Variants in WDR7 observed in about 807,000 individuals in gnomAD.
The protein encoded by WDR7 is WD repeat-containing protein 7.
In WDR7, 46 loss-of-function variants were observed where a neutral mutation model predicts 169.4. The observed-to-expected ratio is 0.27, with a 90% confidence interval of 0.21 to 0.35. The LOEUF (loss-of-function observed/expected upper bound fraction) is 0.35. Among genes scored for constraint, WDR7 ranks in the 10% least tolerant of loss-of-function variants. WDR7 has a pLI of 1.00. For missense variants in WDR7, 1,534 were observed against 1,859.3 expected (o/e 0.83, Z 3.22); for synonymous variants, 612 against 666.8 (o/e 0.92, Z 1.27).
chr18:56,971,304 A>G (rs983675164), intron 26 of WDR7, among the ~76,000 whole-genome samples: 35 of 149,372 alleles, frequency 2.3e-4, no homozygotes, highest in Non-Finnish European at 4.3e-4. Flanking sequence ...AAAAAGGAAC[A>G]CCCCCACTAT....
rs756847664 is a variant in WDR7 at position 56,816,115 on chromosome 18, A to G, written c.3275A>G (p.His1092Arg). ...GAAGCAAAAGTCCAGGAGGAAGAGC[A>G]TGACCTTGTTGACGATGACATCACC... ...GPEAKVQEEE[H>R]DLVDDDITTG... Residue 1092 changes from histidine to arginine, a missense_variant, in exon 20 of 28, where the codon CAT (histidine) becomes CGT (arginine). Transcript: ENST00000254442. 4 of 1,613,906 alleles carry G rather than the reference A, an allele frequency of 2.5e-6. No individual in the cohort carries two copies. Among genetic ancestry groups the G allele is most frequent in the South Asian group, 1.1e-5 (1 of 91,024 alleles).
At chr18:56,929,977 G>A (rs957614268) in intron 22 of WDR7, among the ~76,000 whole-genome samples, 1 of 152,126 alleles carries the variant, frequency 6.6e-6, no homozygotes, top group African/African-American at 2.4e-5. Context: ...TCTAAGTTGT[G>A]GTCTGTGATT....
chr18:56,750,283 C>G (rs2043770616), intron 14 of WDR7, among the ~76,000 whole-genome samples: 1 of 152,124 alleles, frequency 6.6e-6, no homozygotes, highest in Non-Finnish European at 1.5e-5. Flanking sequence ...TTTAAAGTTA[C>G]AACTGACTTG....
At chr18:56,810,401 G>T (rs1395833214) in intron 19 of WDR7, among the ~76,000 whole-genome samples, 2 of 152,030 alleles carry the variant, frequency 1.3e-5, no homozygotes, top group African/African-American at 4.8e-5. Flanking sequence ...TATTATGGGA[G>T]TTAAGAATAT....
At chr18:56,867,317 A>G (rs746167205) in intron 20 of WDR7, among the ~76,000 whole-genome samples, 10 of 152,182 alleles carry the variant, frequency 6.6e-5, no homozygotes, top group African/African-American at 2.4e-4. Context: ...GATTACAGGC[A>G]TGAGTCAGCA....
intron 20 of WDR7, among the ~76,000 whole-genome samples, chr18:56,832,353 A>G (rs975178569): frequency 6.6e-6 from 1 of 152,210 alleles, no homozygotes. Context: ...GAGACTTTAG[A>G]TAAAACTCCC....
At chr18:56,803,737 C>T (rs1448444282) in intron 19 of WDR7, among the ~76,000 whole-genome samples, 1 of 152,150 alleles carries the variant, frequency 6.6e-6, no homozygotes, top group East Asian at 1.9e-4. Flanking sequence ...ACTTATTGAG[C>T]ACTTACCACA....
intron 19 of WDR7, among the ~76,000 whole-genome samples, chr18:56,786,724 A>G (rs2044406644): frequency 6.6e-6 from 1 of 152,020 alleles, no homozygotes; most frequent in Non-Finnish European, 1.5e-5. Flanking sequence ...GTGCATTGTG[A>G]TTCCTATACT....
At chr18:56,710,057 G>A (rs1383831347) in intron 12 of WDR7, among the ~76,000 whole-genome samples, 5 of 145,084 alleles carry the variant, frequency 3.4e-5, no homozygotes, top group African/African-American at 1.3e-4. Flanking sequence ...AGGCTGGAGT[G>A]CAGTGGCGCA....
At chr18:57,016,203 G>A (rs1037005241) in intron 26 of WDR7, among the ~76,000 whole-genome samples, 3 of 152,046 alleles carry the variant, frequency 2.0e-5, no homozygotes, top group South Asian at 2.1e-4. Context: ...CAGCCACACC[G>A]GCCGCTTCCC....
chr18:56,764,303 A>T (rs2044027661), intron 16 of WDR7, among the ~76,000 whole-genome samples: 1 of 151,908 alleles, frequency 6.6e-6, no homozygotes. Context: ...ATTTCCAAAC[A>T]CTTGTGGATT....
At chr18:56,681,264 G>C in intron 3 of WDR7, 49 bp from the exon 4 acceptor site, 1 of 1,221,694 alleles carries the variant, frequency 8.2e-7, no homozygotes, top group Non-Finnish European at 1.2e-6. Context: ...AAAGTTGAAT[G>C]GTGCTTTAAA....
In WDR7 at chr18:56,756,922, G is replaced by A; in HGVS notation, c.2329G>A (p.Asp777Asn). 1 of 1,614,104 alleles carries A rather than the reference G, an allele frequency of 6.2e-7. No homozygotes were observed. Among genetic ancestry groups the A allele is most frequent in the Non-Finnish European group, 8.5e-7 (1 of 1,179,998 alleles). ...AATGAGGCAGAGAAGGGAAGAAAGT[G>A]ATCCTGAATATCGGTCCAGCAAATC... ...EIMRQRREES[D>N]PEYRSSKSKP... Residue 777 changes from aspartate (D) to asparagine (N), a missense_variant, in exon 15 of 28, where the codon GAT becomes AAT. By Grantham distance (23) the Asp-to-Asn change is conservative. Coordinates refer to ENST00000254442, the MANE Select transcript of WDR7 (RefSeq NM_015285.3).
intron 14 of WDR7, among the ~76,000 whole-genome samples, chr18:56,739,117 C>T (rs1036276622): frequency 6.6e-6 from 1 of 151,642 alleles, no homozygotes; most frequent in Non-Finnish European, 1.5e-5. Context: ...CTGTTTTTCT[C>T]TGAAAACTGA....
At chr18:56,653,147 G>A (rs1305291752) in intron 1 of WDR7, among the ~76,000 whole-genome samples, 1 of 151,858 alleles carries the variant, frequency 6.6e-6, no homozygotes, top group East Asian at 1.9e-4. Flanking sequence ...GCAGAGGATG[G>A]AGTTAATCTT....
chr18:56,851,893 G>A (rs1409943414), intron 20 of WDR7, among the ~76,000 whole-genome samples: 1 of 152,148 alleles, frequency 6.6e-6, no homozygotes, highest in Non-Finnish European at 1.5e-5. Flanking sequence ...TATAAAGTAT[G>A]GCTTTCCTCT....
chr18:56,976,658 G>A (rs539624533), intron 26 of WDR7, among the ~76,000 whole-genome samples: 1 of 152,270 alleles, frequency 6.6e-6, no homozygotes, highest in Non-Finnish European at 1.5e-5. Flanking sequence ...AGCAACCTAT[G>A]CAGAGGATAC....
At chr18:56,724,189 T>C (rs924482101) in intron 13 of WDR7, among the ~76,000 whole-genome samples, 4 of 149,704 alleles carry the variant, frequency 2.7e-5, no homozygotes, top group African/African-American at 9.9e-5. Context: ...GTATTGATCA[T>C]TTTTTTGACA....
chr18:56,867,360 AGCAG>A (rs1264314154), intron 20 of WDR7, among the ~76,000 whole-genome samples: 11 of 152,148 alleles, frequency 7.2e-5, no homozygotes, highest in African/African-American at 2.7e-4. Context: ...AAAATCTCAG[AGCAG>A]TTTAAGTACA....
Sources: allele counts gnomAD v4.1 joint callset (sites outside exome capture counted in the v4.1 genomes callset), GRCh38; gene constraint gnomAD v4.1.1; transcripts MANE v1.5; gene names NCBI Gene and HGNC (gene_info 2026-07-23, HGNC 2026-07-21).